Variants in NRXN1 observed in about 807,000 individuals in gnomAD.
The protein encoded by NRXN1 is neurexin 1, also known as neurexin-1.
Under a neutral mutation model 150.9 loss-of-function variants are expected in NRXN1, and 39 were observed. The ratio of observed to expected loss-of-function variants is 0.26; its 90% CI spans 0.20 to 0.34. The LOEUF (loss-of-function observed/expected upper bound fraction) is 0.34, where lower values mean the gene tolerates loss of function less well. NRXN1 is among the 10% of genes least tolerant of loss of function. NRXN1 has a pLI of 1.00. For missense variants in NRXN1, 1,815 were observed against 1,949.9 expected (o/e 0.93, Z 1.30); for synonymous variants, 924 against 757.0 (o/e 1.22, Z -3.62).
intron 3 of NRXN1, among the ~76,000 whole-genome samples, chr2:50,925,240 G>A (rs1354526513): frequency 6.6e-6 from 1 of 151,688 alleles, no homozygotes; most frequent in East Asian, 1.9e-4. Context: ...TGAGAATAAG[G>A]AAATATGTTT....
intron 18 of NRXN1, among the ~76,000 whole-genome samples, chr2:50,099,985 G>C (rs1700780143): frequency 6.6e-6 from 1 of 152,064 alleles, no homozygotes; most frequent in Non-Finnish European, 1.5e-5. Flanking sequence ...GTAAGGCAAA[G>C]CAGTTCTCAC....
At chr2:50,497,271 G>A in intron 14 of NRXN1, 62 bp downstream of exon 14, 1 of 1,326,214 alleles carries the variant, frequency 7.5e-7, no homozygotes, top group East Asian at 2.4e-5. Context: ...GTATATTTTT[G>A]GAAATTGACG....
intron 17 of NRXN1, among the ~76,000 whole-genome samples, chr2:50,401,573 C>A (rs2082394535): frequency 6.6e-6 from 1 of 151,946 alleles, no homozygotes; most frequent in Admixed American, 6.6e-5. Flanking sequence ...GAAGACAGGA[C>A]ACTTTACTAG....
intron 5 of NRXN1, among the ~76,000 whole-genome samples, chr2:50,821,372 G>A (rs745709875): frequency 1.3e-5 from 2 of 152,118 alleles, no homozygotes; most frequent in Non-Finnish European, 2.9e-5. Context: ...GTGGTGAAGG[G>A]AAACCAAAAG....
intron 17 of NRXN1, chr2:50,417,343 G>C (rs1374609963): frequency 6.6e-6 from 1 of 152,090 alleles, no homozygotes; most frequent in Non-Finnish European, 1.5e-5. Context: ...ATTTTATTGG[G>C]TACAGAATAA....
chr2:50,157,360 G>T (rs1330130748), intron 18 of NRXN1, among the ~76,000 whole-genome samples: 1 of 151,982 alleles, frequency 6.6e-6, no homozygotes, highest in Non-Finnish European at 1.5e-5. Context: ...TGTAAAGACA[G>T]AATATAAAAA....
At chr2:50,937,924 T>G (rs764071527) in intron 2 of NRXN1, among the ~76,000 whole-genome samples, 1 of 152,154 alleles carries the variant, frequency 6.6e-6, no homozygotes, top group Non-Finnish European at 1.5e-5. Flanking sequence ...TGGTATGGCC[T>G]ACTACACACC....
chr2:50,656,714 C>G (rs1686523165), intron 5 of NRXN1, among the ~76,000 whole-genome samples: 1 of 151,094 alleles, frequency 6.6e-6, no homozygotes. Flanking sequence ...CATTCAAGCT[C>G]AAGGGCTACT....
chr2:50,667,672 A>G (rs945191056), intron 5 of NRXN1, among the ~76,000 whole-genome samples: 1 of 151,928 alleles, frequency 6.6e-6, no homozygotes, highest in Non-Finnish European at 1.5e-5. Flanking sequence ...AACGTTCTCT[A>G]TTGTTTCCCT....
intron 2 of NRXN1, among the ~76,000 whole-genome samples, chr2:51,024,387 A>G (rs1670099824): frequency 6.6e-6 from 1 of 152,062 alleles, no homozygotes; most frequent in African/African-American, 2.4e-5. Flanking sequence ...ATAACACCTG[A>G]ACCTGAAAAT....
At chr2:50,351,174 T>C (rs1009148380) in intron 17 of NRXN1, among the ~76,000 whole-genome samples, 3 of 152,314 alleles carry the variant, frequency 2.0e-5, no homozygotes, top group Admixed American at 6.5e-5. Flanking sequence ...ATCTCACAAA[T>C]TGTTCTCAGG....
chr2:50,302,704 T>A (rs2074268808), intron 17 of NRXN1, among the ~76,000 whole-genome samples: 1 of 152,174 alleles, frequency 6.6e-6, no homozygotes, highest in Non-Finnish European at 1.5e-5. Flanking sequence ...ACCAAGCACA[T>A]GGCTGAAAAC....
intron 2 of NRXN1, among the ~76,000 whole-genome samples, chr2:50,956,635 C>T (rs887491230): frequency 2.0e-5 from 3 of 151,638 alleles, no homozygotes; most frequent in African/African-American, 4.8e-5. Flanking sequence ...ATAGTGCCAG[C>T]GACTCAGGAG....
chr2:50,397,030 T>C (rs1233624846), intron 17 of NRXN1, among the ~76,000 whole-genome samples: 2 of 152,058 alleles, frequency 1.3e-5, no homozygotes, highest in Admixed American at 6.6e-5. Context: ...GTTCCACTCC[T>C]GACTCTCCCG....
chr2:50,645,638 A>G (rs1166572627), intron 5 of NRXN1, among the ~76,000 whole-genome samples: 3 of 151,982 alleles, frequency 2.0e-5, no homozygotes, highest in Admixed American at 6.6e-5. Context: ...CTGTTGAATT[A>G]ATTATTCATA....
At chr2:50,433,296 CAG>C (rs1462412177) in intron 17 of NRXN1, among the ~76,000 whole-genome samples, 1 of 152,288 alleles carries the variant, frequency 6.6e-6, no homozygotes, top group Non-Finnish European at 1.5e-5. Context: ...TTATTATTTG[CAG>C]AGTCTTCTGA....
Position 50,652,521 on chromosome 2 carries a change from T to C in NRXN1, c.833-28906A>G, listed in dbSNP as rs192104470. Among the ~76,000 whole-genome samples, 7 of 152,218 alleles carry C rather than the reference T, an allele frequency of 4.6e-5. No homozygotes were observed. In the East Asian group the frequency reaches 9.7e-4, roughly 21 times the overall value. On this transcript the variant is annotated intron_variant, in intron 5 of 22. Transcript: ENST00000401669. ...AGCATAACGTTTCTGAGGCTCCATGTAGCATATAGCATGTGGAACACAATA... is the reference window on the plus strand; with the variant it reads ...AGCATAACGTTTCTGAGGCTCCATGCAGCATATAGCATGTGGAACACAATA...
intron 18 of NRXN1, among the ~76,000 whole-genome samples, chr2:50,229,332 TG>T (rs200805283): frequency 5.7e-4 from 31 of 54,748 alleles, no homozygotes; most frequent in African/African-American, 8.1e-4. Context: ...TTTTTTTTTG[TG>T]TGTGTGTGTG....
At chr2:50,781,976 G>A (rs914694654) in intron 5 of NRXN1, among the ~76,000 whole-genome samples, 3 of 152,072 alleles carry the variant, frequency 2.0e-5, no homozygotes, top group African/African-American at 7.2e-5. Context: ...AATGTTAGTT[G>A]TTATTAATTG....
Sources: gnomAD v4.1 joint callset for allele counts (sites outside exome capture counted in the v4.1 genomes callset) on GRCh38, gnomAD v4.1.1 for gene constraint, MANE v1.5 for transcripts, NCBI Gene and HGNC (gene_info 2026-07-23, HGNC 2026-07-21) for gene names.